Variants in DEUP1 observed in about 807,000 individuals in gnomAD.
DEUP1 encodes the protein coiled-coil domain containing 67.
DEUP1 carries 82 observed loss-of-function variants against 87.4 expected under a neutral mutation model. That is an observed-to-expected ratio of 0.94 (90% CI 0.78 to 1.13). DEUP1 has a LOEUF of 1.13. DEUP1 is among the 50% of genes most tolerant of loss of function. The pLI is 0.00. For missense variants in DEUP1, 663 were observed against 681.5 expected (o/e 0.97, Z 0.30); for synonymous variants, 214 against 222.7 (o/e 0.96, Z 0.35).
rs1944847902 is a variant in DEUP1 at position 93,355,405 on chromosome 11, A to G, written c.64A>G (p.Met22Val). The G allele has an allele frequency of 2.5e-6, 4 of 1,613,708 alleles. No homozygotes were observed. The highest frequency in any genetic ancestry group is 1.3e-5 in the African/African-American group (1 of 75,050). Residue 22 changes from methionine to valine, a missense_variant, in exon 3 of 14, where the codon ATG becomes GTG. By Grantham distance (21) the Met-to-Val change is conservative. Coordinates refer to ENST00000298050, the MANE Select transcript of DEUP1 (RefSeq NM_181645.4). ...SPCEAELQEL[M>V]EQIDIMVSNK... Reference sequence around the variant, plus strand: ...TTGTGAGGCTGAGCTTCAGGAATTAATGGAACAAATTGACATCATGGTAAG... The same window carrying G: ...TTGTGAGGCTGAGCTTCAGGAATTAGTGGAACAAATTGACATCATGGTAAG...
At chr11:93,428,649 T>C (rs895877530) in intron 13 of DEUP1, among the ~76,000 whole-genome samples, 2 of 152,206 alleles carry the variant, frequency 1.3e-5, no homozygotes, top group African/African-American at 4.8e-5. Flanking sequence ...GTTTTAAGTG[T>C]ACAATTCCAA....
In DEUP1 at chr11:93,370,150, AC is replaced by A. The variant is rs1565313109; in HGVS notation, c.511del (p.Gln171LysfsTer22). ...QTHLISLDAQ[Q>X]KLLSEKCNQF... is the part of the protein sequence containing the mutation. ...CTCATCTGATTTCTTTAGATGCTCA[AC>A]AAAAATTATTATCTGAGAAGTGTAA... On this transcript the variant is annotated frameshift_variant, in exon 6 of 14. Coordinates refer to ENST00000298050, the MANE Select transcript of DEUP1 (RefSeq NM_181645.4). LOFTEE classifies it high-confidence loss of function. 1 of 1,597,166 alleles carries A rather than the reference AC, an allele frequency of 6.3e-7. No individual in the cohort carries two copies. Among genetic ancestry groups the A allele is most frequent in the Admixed American group, 1.7e-5 (1 of 59,336 alleles).
chr11:93,400,319 G>A (rs1189329512), intron 11 of DEUP1, among the ~76,000 whole-genome samples: 1 of 152,122 alleles, frequency 6.6e-6, no homozygotes, highest in African/African-American at 2.4e-5. Flanking sequence ...ATGTTTCATT[G>A]CCTCTTCCTG....
chr11:93,380,782 T>C (rs1371969439), intron 7 of DEUP1, among the ~76,000 whole-genome samples: 2 of 152,160 alleles, frequency 1.3e-5, no homozygotes, highest in African/African-American at 4.8e-5. Flanking sequence ...TTTTTACAAG[T>C]ATTTGTTCAT....
At chr11:93,390,509 C>T (rs1946734385) in intron 9 of DEUP1, among the ~76,000 whole-genome samples, 1 of 152,114 alleles carries the variant, frequency 6.6e-6, no homozygotes, top group African/African-American at 2.4e-5. Flanking sequence ...ATTTATTTTG[C>T]TGACTTAAAA....
At chr11:93,345,882 T>C (rs1019619344) in intron 2 of DEUP1, among the ~76,000 whole-genome samples, 1 of 152,180 alleles carries the variant, frequency 6.6e-6, no homozygotes. Context: ...TGTTAATTTT[T>C]GCTTTTGTTG....
chr11:93,437,567 G>C lies in DEUP1; in HGVS notation c.1663G>C (p.Ala555Pro), dbSNP rs760769205. The C allele has an allele frequency of 1.2e-6, 2 of 1,613,016 alleles. No individual in the cohort carries two copies. Among genetic ancestry groups the C allele is most frequent in the South Asian group, 2.2e-5 (2 of 91,006 alleles). ...PLSPPDMSFP[A>P]SLAAQHFLLE... is the part of the protein sequence containing the mutation. ...GTCTCCCCCAGATATGTCCTTCCCAGCATCTTTGGCTGCACAGCATTTCCT... is the reference window on the plus strand; with the variant it reads ...GTCTCCCCCAGATATGTCCTTCCCACCATCTTTGGCTGCACAGCATTTCCT... Residue 555 changes from alanine to proline, a missense_variant, in exon 14 of 14, where the codon GCA becomes CCA. By Grantham distance (27) the Ala-to-Pro change is conservative. Transcript: ENST00000298050.
intron 4 of DEUP1, among the ~76,000 whole-genome samples, chr11:93,360,907 A>C (rs1342181834): frequency 0.01 from 11 of 1,076 alleles, no homozygotes; most frequent in Non-Finnish European, 0.049. Context: ...AAACTTAGCA[A>C]AAAAAAAAAA....
In DEUP1 at chr11:93,437,520, C is replaced by T; in HGVS notation, c.1639-23C>T. On this transcript the variant is annotated intron_variant, in intron 13 of 13. Coordinates refer to ENST00000298050, the MANE Select transcript of DEUP1 (RefSeq NM_181645.4). ...TTTAAAGCTCTGTATTCCTCACTCA[C>T]TTTTCTTTCTTTCTCTCTTTAGTCT... The T allele has an allele frequency of 1.9e-6, 3 of 1,585,584 alleles. No individual in the cohort carries two copies. The South Asian group carries it at 3.4e-5, about 18-fold the overall frequency.
At chr11:93,358,819 A>G (rs1401199905) in intron 4 of DEUP1, among the ~76,000 whole-genome samples, 1 of 152,054 alleles carries the variant, frequency 6.6e-6, no homozygotes, top group Non-Finnish European at 1.5e-5. Context: ...CTGACCTCAG[A>G]TGATATGCCC....
chr11:93,366,099 G>C (rs1045917517), intron 5 of DEUP1, among the ~76,000 whole-genome samples: 2 of 152,132 alleles, frequency 1.3e-5, no homozygotes, highest in African/African-American at 4.8e-5. Context: ...AAAAAATTTA[G>C]ATGCACACTG....
At chr11:93,364,430 A>G (rs1261481469) in intron 5 of DEUP1, 136 bp downstream of exon 5, 1 of 734,226 alleles carries the variant, frequency 1.4e-6, no homozygotes, top group Non-Finnish European at 2.2e-6. Context: ...TTCTCACTGA[A>G]TATATTTTCT....
intron 13 of DEUP1, among the ~76,000 whole-genome samples, chr11:93,420,323 A>T (rs1268413866): frequency 1.3e-5 from 2 of 152,340 alleles, no homozygotes; most frequent in African/African-American, 4.8e-5. Context: ...CCACATGATT[A>T]TCTCAATAGA....
At position 93,415,244 on chromosome 11, in the gene DEUP1, A is replaced by G. The variant is rs777170719; in HGVS notation, c.1638+130A>G. 2.1e-4 allele frequency: 110 copies of G among 518,716 alleles called. 1 individual carries two copies. Among genetic ancestry groups the G allele is most frequent in the Admixed American group, 3.5e-5 (1 of 28,444 alleles). 32.1% of individuals were successfully genotyped at this position (518,716 alleles called of 1,614,324 possible). On this transcript the variant is annotated intron_variant, in intron 13 of 13. Transcript: ENST00000298050. ...CTCACTCCTTGAATAGGACTCCAAG[A>G]TGGGTCTGCGAGCCATTTGGCCATA...
intron 2 of DEUP1, among the ~76,000 whole-genome samples, chr11:93,342,753 A>G (rs1422621495): frequency 6.6e-6 from 1 of 152,230 alleles, no homozygotes; most frequent in Non-Finnish European, 1.5e-5. Context: ...GAGAGAATCA[A>G]TAAGGCTGAC....
At chr11:93,391,084 GAA>G (rs61521758) in intron 9 of DEUP1, among the ~76,000 whole-genome samples, 3 of 122,492 alleles carry the variant, frequency 2.4e-5, no homozygotes, top group Admixed American at 8.6e-5. Flanking sequence ...TCTGTCTCAG[GAA>G]AAAAAAAAAA....
intron 11 of DEUP1, among the ~76,000 whole-genome samples, chr11:93,397,110 T>C (rs1400678191): frequency 6.6e-6 from 1 of 152,216 alleles, no homozygotes; most frequent in African/African-American, 2.4e-5. Flanking sequence ...TGATAAGAGA[T>C]GAATATGTTA....
At chr11:93,379,437 G>A (rs1029094429) in intron 7 of DEUP1, among the ~76,000 whole-genome samples, 6 of 152,164 alleles carry the variant, frequency 3.9e-5, no homozygotes, top group African/African-American at 1.4e-4. Context: ...ACTGTACATT[G>A]AGGAACATTA....
At chr11:93,377,905 T>C (rs1946115849) in intron 7 of DEUP1, among the ~76,000 whole-genome samples, 1 of 152,168 alleles carries the variant, frequency 6.6e-6, no homozygotes, top group Non-Finnish European at 1.5e-5. Context: ...GATAATTGTT[T>C]CATTTAAGGA....
Sources: gnomAD v4.1 joint callset for allele counts (sites outside exome capture counted in the v4.1 genomes callset) on GRCh38, gnomAD v4.1.1 for gene constraint, MANE v1.5 for transcripts, NCBI Gene and HGNC (gene_info 2026-07-23, HGNC 2026-07-21) for gene names.